The following MARCHF8 variants were observed in gnomAD, a reference collection of about 807,000 sequenced individuals.
MARCHF8 encodes E3 ubiquitin-protein ligase MARCHF8.
In MARCHF8, 40 loss-of-function variants were observed where a neutral mutation model predicts 51.6. The ratio of observed to expected loss-of-function variants is 0.77; its 90% confidence interval spans 0.60 to 1.01. MARCHF8 has a LOEUF of 1.01. Among genes scored for constraint, MARCHF8 ranks in the 50% least tolerant of loss-of-function variants. MARCHF8 has a pLI of 0.00. For synonymous variants in MARCHF8, 263 were observed against 280.3 expected, an observed-to-expected ratio of 0.94 and a Z score of 0.62; for missense variants, 685 against 708.6, an observed-to-expected ratio of 0.97 and a Z score of 0.38.
chr10:45,476,523 G>A (rs1407548603), intron 3 of MARCHF8, among the ~76,000 whole-genome samples: 1 of 152,264 alleles, frequency 6.6e-6, no homozygotes, highest in East Asian at 1.9e-4. Context: ...AGCTATGATC[G>A]CACCACTGTA....
chr10:45,527,495 G>A (rs1317764625), intron 2 of MARCHF8, among the ~76,000 whole-genome samples: 4 of 151,918 alleles, frequency 2.6e-5, no homozygotes, highest in African/African-American at 7.3e-5. Context: ...CTACACTAAC[G>A]AACTAGAAAA....
intron 1 of MARCHF8, among the ~76,000 whole-genome samples, chr10:45,565,182 G>A (rs982615628): frequency 1.3e-5 from 2 of 152,044 alleles, no homozygotes; most frequent in Admixed American, 6.5e-5. Flanking sequence ...TGTAATCCCA[G>A]CACTTTAGGA....
chr10:45,587,942 A>G (rs2044634992), intron 1 of MARCHF8, among the ~76,000 whole-genome samples: 1 of 152,136 alleles, frequency 6.6e-6, no homozygotes, highest in Non-Finnish European at 1.5e-5. Context: ...GACAAAAAAT[A>G]AAATTAAAAT....
chr10:45,463,818 T>G lies in MARCHF8; in HGVS notation c.421A>C (p.Lys141Gln). ...CTGGCTTTGGTATTCTTAGCAGGCT[T>G]CAAGGCCTGGGCCCATTCTGAACCA... ...SFGSEWAQAL[K>Q]PAKNTKARRT... Residue 141 changes from lysine to glutamine, a missense_variant, in exon 5 of 8, where the codon AAG becomes CAG. Lys to Gln is a moderately conservative substitution (Grantham distance 53). Transcript: ENST00000453424. 7.1e-6 allele frequency: 11 copies of G among 1,548,154 alleles called. No homozygotes were observed. The highest frequency in any genetic ancestry group is 1.2e-5 in the South Asian group (1 of 84,058).
intron 1 of MARCHF8, among the ~76,000 whole-genome samples, chr10:45,578,589 G>A (rs2044516189): frequency 6.6e-6 from 1 of 152,116 alleles, no homozygotes; most frequent in African/African-American, 2.4e-5. Context: ...GTTTGATGAG[G>A]AACAGGATAT....
In MARCHF8 at chr10:45,463,344, T is replaced by C. The variant is rs1471816458; in HGVS notation, c.895A>G (p.Ser299Gly). Residue 299 changes from serine (S) to glycine (G), a missense_variant, in exon 5 of 8, where the codon AGT becomes GGT. By Grantham distance (56) the Ser-to-Gly change is moderately conservative. Coordinates refer to ENST00000453424, the MANE Select transcript of MARCHF8 (RefSeq NM_001282866.2). ...TAKSSSGLAG[S>G]MGFCSDEMGD... ...ATCTCGTCAGAGCAGAAGCCCATAC[T>C]CCCTGCCAGCCCGCTGGAGGACTTG... The C allele has an allele frequency of 6.4e-7, 1 of 1,550,782 alleles. No individual in the cohort carries two copies.
chr10:45,558,980 A>G (rs1367919650), intron 1 of MARCHF8, among the ~76,000 whole-genome samples: 3 of 152,226 alleles, frequency 2.0e-5, no homozygotes, highest in Non-Finnish European at 4.4e-5. Flanking sequence ...TGCCTTTTAA[A>G]CCAAGTAATA....
chr10:45,590,277 T>C (rs1391754149), intron 1 of MARCHF8, among the ~76,000 whole-genome samples: 1 of 152,232 alleles, frequency 6.6e-6, no homozygotes. Context: ...GAACTGCCTA[T>C]TCAAATCCTT....
intron 4 of MARCHF8, 105 bp from the exon 5 acceptor site, chr10:45,464,101 C>T (rs1842888039): frequency 1.3e-6 from 2 of 1,515,022 alleles, no homozygotes; most frequent in Non-Finnish European, 1.8e-6. Flanking sequence ...ACTTGGTGAG[C>T]AAACCACACA....
intron 2 of MARCHF8, among the ~76,000 whole-genome samples, chr10:45,498,333 T>A (rs940086185): frequency 3.9e-5 from 6 of 152,316 alleles, no homozygotes; most frequent in South Asian, 4.2e-4. Context: ...GAAATATTTT[T>A]AAAAATTTTT....
At chr10:45,466,975 T>G (rs183559785) in intron 3 of MARCHF8, among the ~76,000 whole-genome samples, 22 of 152,282 alleles carry the variant, frequency 1.4e-4, no homozygotes, top group African/African-American at 5.3e-4. Flanking sequence ...ATGTGTTCAC[T>G]TCCCTGTGTG....
chr10:45,458,080 T>A lies in MARCHF8; in HGVS notation c.*159A>T. The A allele has an allele frequency of 1.3e-6, 1 of 789,856 alleles. No homozygotes were observed. Among genetic ancestry groups the A allele is most frequent in the Non-Finnish European group, 1.9e-6 (1 of 521,564 alleles). 48.9% of individuals were successfully genotyped at this position (789,856 alleles called of 1,614,324 possible). ...GCATGCCTGGCCCACAGGAAGGTTT[T>A]CTAGGAGACTAAGGAGGGTTTAGAA... On this transcript the variant is annotated 3_prime_UTR_variant, in exon 8 of 8. Transcript: ENST00000453424.
At chr10:45,511,234 T>C (rs978983264) in intron 2 of MARCHF8, among the ~76,000 whole-genome samples, 2 of 152,252 alleles carry the variant, frequency 1.3e-5, no homozygotes, top group African/African-American at 2.4e-5. Context: ...ATCTTAATTA[T>C]ACATTAGTAA....
intron 1 of MARCHF8, among the ~76,000 whole-genome samples, chr10:45,572,854 C>T (rs754688063): frequency 1.3e-5 from 2 of 152,056 alleles, no homozygotes; most frequent in Admixed American, 6.5e-5. Flanking sequence ...TGGTCATGGA[C>T]TTGGGAAGAC....
chr10:45,510,222 G>A (rs549075004), intron 2 of MARCHF8, among the ~76,000 whole-genome samples: 3 of 152,222 alleles, frequency 2.0e-5, no homozygotes, highest in Admixed American at 1.3e-4. Flanking sequence ...TGCACACTGC[G>A]AGACCCTGAT....
chr10:45,564,103 C>T (rs560741994), intron 1 of MARCHF8, among the ~76,000 whole-genome samples: 24 of 152,170 alleles, frequency 1.6e-4, no homozygotes, highest in Non-Finnish European at 3.2e-4. Flanking sequence ...TGGTGAAACA[C>T]TGTCTCTACT....
chr10:45,568,715 C>CAAAA lies in MARCHF8; in HGVS notation c.-79+25516_-79+25519dup, dbSNP rs71023130. 2.8e-3 allele frequency among the ~76,000 whole-genome samples: 211 copies of CAAAA among 75,572 alleles called. 1 individual carries two copies. Among genetic ancestry groups the CAAAA allele is most frequent in the African/African-American group, 0.011 (203 of 18,982 alleles). The allele number at this position is 75,572 out of a possible 152,430, so 49.6% of individuals were successfully genotyped here. On this transcript the variant is annotated intron_variant, in intron 1 of 6. Transcript: ENST00000319836. ...GCCTGGTGACAGAGCGAGACTGTTT[C>CAAAA]AAAAAAAAAAAAAAAAAAAAAAACC...
At chr10:45,504,425 CAA>C (rs1396330927) in intron 2 of MARCHF8, among the ~76,000 whole-genome samples, 5 of 152,212 alleles carry the variant, frequency 3.3e-5, no homozygotes, top group African/African-American at 4.8e-5. Context: ...GCGTGGGAAA[CAA>C]GAGCGAAACT....
At chr10:45,511,486 T>C (rs1300407944) in intron 2 of MARCHF8, among the ~76,000 whole-genome samples, 1 of 152,140 alleles carries the variant, frequency 6.6e-6, no homozygotes, top group Non-Finnish European at 1.5e-5. Flanking sequence ...TGCTGCCATC[T>C]CGGCTCACTG....
Sources: gnomAD v4.1 joint callset for allele counts (sites outside exome capture counted in the v4.1 genomes callset) on GRCh38, gnomAD v4.1.1 for gene constraint, MANE v1.5 for transcripts, NCBI Gene and HGNC (gene_info 2026-07-23, HGNC 2026-07-21) for gene names.